The following EBF2 variants were observed in gnomAD, a reference collection of about 807,000 sequenced individuals.
EBF2 encodes the protein EBF transcription factor 2.
Under a neutral mutation model 72.8 loss-of-function variants are expected in EBF2, and 21 were observed. The observed-to-expected ratio is 0.29, with a 90% CI of 0.20 to 0.42. The LOEUF is 0.42. Among genes scored for constraint, EBF2 ranks in the 10% least tolerant of loss-of-function variants. The probability of loss-of-function intolerance (pLI) is 1.00; values close to 1 mark genes in which losing one functional copy is unlikely to be tolerated. For synonymous variants in EBF2, 299 were observed against 274.2 expected, an observed-to-expected ratio of 1.09 and a Z score of -0.89; for missense variants, 637 against 731.2, an observed-to-expected ratio of 0.87 and a Z score of 1.49.
intron 6 of EBF2, chr8:26,032,045 G>C (rs1805416504): frequency 6.6e-6 from 1 of 152,290 alleles, no homozygotes; most frequent in East Asian, 1.9e-4. Flanking sequence ...ACACTGCAAA[G>C]CTGCCATTGA....
intron 6 of EBF2, among the ~76,000 whole-genome samples, chr8:25,915,501 C>T (rs867634215): frequency 3.3e-5 from 5 of 150,408 alleles, no homozygotes; most frequent in South Asian, 2.1e-4. Flanking sequence ...TTTTAGAGGA[C>T]GCAAAGGAAA....
chr8:25,984,575 G>C (rs547947114), intron 6 of EBF2, among the ~76,000 whole-genome samples: 1 of 152,056 alleles, frequency 6.6e-6, no homozygotes, highest in Non-Finnish European at 1.5e-5. Flanking sequence ...CCAGCGACTC[G>C]GGAGGCTGAG....
intron 6 of EBF2, among the ~76,000 whole-genome samples, chr8:25,945,947 G>T (rs1803762145): frequency 6.6e-6 from 1 of 152,090 alleles, no homozygotes; most frequent in Admixed American, 6.5e-5. Context: ...AATGAGCAAG[G>T]AGTTGGAACT....
At chr8:25,905,269 A>G (rs970626585) in intron 7 of EBF2, among the ~76,000 whole-genome samples, 4 of 152,206 alleles carry the variant, frequency 2.6e-5, no homozygotes, top group Non-Finnish European at 1.5e-5. Flanking sequence ...CACTATGGAA[A>G]ACAGTTTGGC....
intron 10 of EBF2, among the ~76,000 whole-genome samples, chr8:25,868,508 G>T (rs997273158): frequency 3.3e-5 from 5 of 152,166 alleles, no homozygotes; most frequent in Non-Finnish European, 7.3e-5. Flanking sequence ...GGGACACAAA[G>T]TCTGGTTCTG....
intron 6 of EBF2, among the ~76,000 whole-genome samples, chr8:25,967,666 G>T (rs945204483): frequency 6.6e-6 from 1 of 152,204 alleles, no homozygotes; most frequent in African/African-American, 2.4e-5. Flanking sequence ...ATCTATGTGT[G>T]TTGGGGGCAA....
At chr8:25,868,353 A>T (rs924049325) in intron 10 of EBF2, among the ~76,000 whole-genome samples, 7 of 152,194 alleles carry the variant, frequency 4.6e-5, no homozygotes, top group Admixed American at 3.9e-4. Context: ...GTCTTATTTC[A>T]TCTATCTTTT....
chr8:25,922,435 G>T (rs534889386), intron 6 of EBF2, among the ~76,000 whole-genome samples: 5 of 152,060 alleles, frequency 3.3e-5, no homozygotes, highest in Non-Finnish European at 5.9e-5. Context: ...TACACAGTAC[G>T]TTTACTTAAG....
chr8:25,878,219 G>C lies in EBF2; in HGVS notation c.1009+8536C>G, dbSNP rs72609944. 2.8e-4 allele frequency among the ~76,000 whole-genome samples: 43 copies of C among 152,208 alleles called. No homozygotes were observed. The South Asian group carries it at 8.7e-3, about 31-fold the overall frequency. Reference sequence around the variant, plus strand: ...GTTTCAAGTTTTGCCTTTTCCTCCAGAACCAGAATGACTTTTTGTCCACCT... The same window carrying C: ...GTTTCAAGTTTTGCCTTTTCCTCCACAACCAGAATGACTTTTTGTCCACCT... On this transcript the variant is annotated intron_variant, in intron 10 of 15. Transcript: ENST00000520164.
intron 6 of EBF2, among the ~76,000 whole-genome samples, chr8:25,918,741 A>C (rs76875967): frequency 0.012 from 1,871 of 152,338 alleles, 22 homozygotes; most frequent in Non-Finnish European, 0.021. Flanking sequence ...ACATATTTGA[A>C]GCCAACATTC....
intron 6 of EBF2, among the ~76,000 whole-genome samples, chr8:26,021,299 C>T (rs1473658882): frequency 6.6e-6 from 1 of 152,170 alleles, no homozygotes; most frequent in Non-Finnish European, 1.5e-5. Flanking sequence ...GCTTTCTGCT[C>T]ACCTGTCTGC....
chr8:25,931,920 A>G (rs550996300), intron 6 of EBF2, among the ~76,000 whole-genome samples: 2 of 152,290 alleles, frequency 1.3e-5, no homozygotes, highest in South Asian at 4.2e-4. Flanking sequence ...ATGTAGCAAT[A>G]ATAGTTATTG....
At chr8:25,960,525 G>A (rs1804018842) in intron 6 of EBF2, among the ~76,000 whole-genome samples, 1 of 152,190 alleles carries the variant, frequency 6.6e-6, no homozygotes, top group African/African-American at 2.4e-5. Context: ...TAAAATTGTA[G>A]AGGCGCCATT....
chr8:25,990,040 C>T (rs1804520290), intron 6 of EBF2, among the ~76,000 whole-genome samples: 1 of 152,132 alleles, frequency 6.6e-6, no homozygotes, highest in African/African-American at 2.4e-5. Context: ...AAAAGGAAAC[C>T]TGAGATCAGG....
At chr8:25,846,500 C>T (rs1237485964) in intron 15 of EBF2, among the ~76,000 whole-genome samples, 2 of 152,168 alleles carry the variant, frequency 1.3e-5, no homozygotes, top group African/African-American at 2.4e-5. Flanking sequence ...CCAGCCTGAG[C>T]AACATGATGA....
At chr8:25,864,213 T>C (rs532290875) in intron 10 of EBF2, among the ~76,000 whole-genome samples, 1 of 152,322 alleles carries the variant, frequency 6.6e-6, no homozygotes, top group African/African-American at 2.4e-5. Context: ...CTCAGGAGAA[T>C]GTATGAGTTT....
At chr8:25,932,662 G>A (rs988445022) in intron 6 of EBF2, among the ~76,000 whole-genome samples, 3 of 152,128 alleles carry the variant, frequency 2.0e-5, no homozygotes, top group Non-Finnish European at 4.4e-5. Context: ...TCTGAACTGA[G>A]TCCCCCGTAA....
intron 1 of EBF2, among the ~76,000 whole-genome samples, chr8:26,043,539 C>A (rs886510482): frequency 6.6e-6 from 1 of 152,190 alleles, no homozygotes; most frequent in South Asian, 2.1e-4. Flanking sequence ...CCGCGGCCGC[C>A]GCGCTGTGCG....
chr8:25,886,791 A>T lies in EBF2; in HGVS notation c.973T>A (p.Phe325Ile). 1.2e-6 allele frequency: 2 copies of T among 1,612,026 alleles called. No homozygotes were observed. Among genetic ancestry groups the T allele is most frequent in the Non-Finnish European group, 1.7e-6 (2 of 1,178,978 alleles). The part of the protein sequence containing the change: ...EVTLSYKSKQ[F>I]CKGAPGRFIY... ...AACCTTCCTGGGGCTCCTTTGCAGA[A>T]CTGTTTAGATTTATAAGATAATGTC... The change falls in exon 10 of 16, where the codon TTC (phenylalanine) becomes ATC (isoleucine). Residue 325 changes from phenylalanine to isoleucine, a missense_variant. This residue lies in a region of EBF2 where 204 missense variants were observed against 301.2 expected (regional missense o/e 0.68). Coordinates refer to ENST00000520164, the MANE Select transcript of EBF2 (RefSeq NM_022659.4).
Sources: allele counts gnomAD v4.1 joint callset (sites outside exome capture counted in the v4.1 genomes callset), GRCh38; gene constraint gnomAD v4.1.1; regional missense constraint gnomAD v4.1.1; transcripts MANE v1.5; gene names NCBI Gene and HGNC (gene_info 2026-07-23, HGNC 2026-07-21).